Variants in CPS1 observed in about 807,000 individuals in gnomAD.
CPS1 encodes the protein carbamoyl-phosphate synthase [ammonia], mitochondrial.
CPS1 carries 109 observed loss-of-function variants against 174.6 expected under a neutral mutation model. That is an observed-to-expected ratio of 0.62 (90% CI 0.53 to 0.73). The LOEUF (loss-of-function observed/expected upper bound fraction) is 0.73, where lower values mean the gene tolerates loss of function less well. Ranked by LOEUF, CPS1 falls within the 30% of genes least tolerant of loss-of-function variation. The probability of loss-of-function intolerance (pLI) is 0.00; values close to 1 mark genes in which losing one functional copy is unlikely to be tolerated. For missense variants in CPS1, 1,689 were observed against 1,821.9 expected, an observed-to-expected ratio of 0.93 and a Z score of 1.33; for synonymous variants, 637 against 632.0, an observed-to-expected ratio of 1.01 and a Z score of -0.12.
chr2:210,622,341 G>A (rs1012379694), intron 21 of CPS1, among the ~76,000 whole-genome samples: 3 of 151,650 alleles, frequency 2.0e-5, no homozygotes, highest in Non-Finnish European at 4.4e-5. Context: ...TATATGGTAT[G>A]TAAGTGTGCA....
chr2:210,609,527 T>C (rs752809233), intron 19 of CPS1, among the ~76,000 whole-genome samples: 3 of 152,020 alleles, frequency 2.0e-5, no homozygotes, highest in Non-Finnish European at 4.4e-5. Context: ...TCCATCATTA[T>C]TGTTATTATT....
intron 1 of CPS1, among the ~76,000 whole-genome samples, chr2:210,504,724 A>G (rs1014156972): frequency 2.0e-5 from 3 of 152,214 alleles, no homozygotes; most frequent in African/African-American, 7.2e-5. Flanking sequence ...TTCTTTTGGT[A>G]TAAGATTCAA....
intron 1 of CPS1, among the ~76,000 whole-genome samples, chr2:210,485,161 G>A (rs1694681051): frequency 6.6e-6 from 1 of 151,738 alleles, no homozygotes; most frequent in Admixed American, 6.6e-5. Context: ...AACCCGGGAG[G>A]CGTGAGCTTG....
At chr2:210,577,648 C>T in intron 4 of CPS1, 138 bp downstream of exon 4, 1 of 754,468 alleles carries the variant, frequency 1.3e-6, no homozygotes, top group Middle Eastern at 2.3e-4. Flanking sequence ...CCTTCTCTTA[C>T]TACATAAAGG....
intron 1 of CPS1, among the ~76,000 whole-genome samples, chr2:210,505,406 G>A (rs2370962): frequency 0.85 from 128,666 of 151,834 alleles, 55,201 homozygotes; most frequent in Middle Eastern, 0.92. Context: ...GACTCAGTTG[G>A]AAACAGCAGA....
At chr2:210,600,426 G>T (rs925713077) in intron 14 of CPS1, 129 bp from the exon 15 acceptor site, 1 of 826,308 alleles carries the variant, frequency 1.2e-6, no homozygotes, top group African/African-American at 1.7e-5. Context: ...TTCCCTAAGT[G>T]CAATTCTATT....
At chr2:210,510,911 G>T (rs1695451353) in intron 1 of CPS1, among the ~76,000 whole-genome samples, 1 of 152,272 alleles carries the variant, frequency 6.6e-6, no homozygotes, top group African/African-American at 2.4e-5. Flanking sequence ...GGAGAAATAG[G>T]AACAATTTTA....
chr2:210,602,892 C>G (rs972323583), intron 16 of CPS1, among the ~76,000 whole-genome samples: 1 of 151,774 alleles, frequency 6.6e-6, no homozygotes, highest in South Asian at 2.1e-4. Flanking sequence ...CATAAAAACA[C>G]GAGAGATTTG....
chr2:210,667,630 A>T (rs922059243), intron 33 of CPS1, among the ~76,000 whole-genome samples: 1 of 152,168 alleles, frequency 6.6e-6, no homozygotes, highest in Non-Finnish European at 1.5e-5. Context: ...TTTTTAAAAA[A>T]CAGGTTCCTT....
intron 21 of CPS1, among the ~76,000 whole-genome samples, chr2:210,624,859 G>C (rs1024591298): frequency 6.6e-6 from 1 of 151,890 alleles, no homozygotes; most frequent in Admixed American, 6.6e-5. Flanking sequence ...TTATGTTTCT[G>C]TATATTAATT....
rs925250523 is a variant in CPS1 at position 210,675,041 on chromosome 2, G to T, written c.4161+80G>T. On this transcript the variant is annotated intron_variant, in intron 35 of 37. Coordinates refer to ENST00000233072, the MANE Select transcript of CPS1 (RefSeq NM_001875.5). The stretch of plus-strand genomic sequence containing the variant: ...CAAAATATTGCAGAATATTGGAAAA[G>T]AAATAGCCCAAAATATGTCCTTTTG... The T allele has an allele frequency of 7.1e-6, 8 of 1,123,308 alleles. No homozygotes were observed. The African/African-American group carries it at 9.2e-5, about 13-fold the overall frequency. The allele number at this position is 1,123,308 out of a possible 1,614,324, so 69.6% of individuals were successfully genotyped here. A position where few individuals can be genotyped will look rare whatever the true frequency, so the allele number is the denominator to read the frequency against.
chr2:210,602,359 C>G lies in CPS1; in HGVS notation c.1836+29C>G. The stretch of plus-strand genomic sequence containing the variant: ...TGTATTTTTGTAGACAATATTCTTA[C>G]CAACCAAAAAAACTGGCTTGATAGA... On this transcript the variant is annotated intron_variant, in intron 16 of 37. Coordinates refer to ENST00000233072, the MANE Select transcript of CPS1 (RefSeq NM_001875.5). The G allele has an allele frequency of 1.9e-6, 3 of 1,611,754 alleles. No individual in the cohort carries two copies. The South Asian group carries it at 3.3e-5, about 18-fold the overall frequency.
intron 21 of CPS1, among the ~76,000 whole-genome samples, chr2:210,633,958 A>C (rs1699948890): frequency 6.6e-6 from 1 of 152,228 alleles, no homozygotes; most frequent in Non-Finnish European, 1.5e-5. Flanking sequence ...TTAGGATTTT[A>C]GTCATTTAAG....
Position 210,498,421 on chromosome 2 carries a change from T to C in CPS1, c.3+20655T>C, listed in dbSNP as rs967740082. ...TTATTTTATTTTTTTCTGTGGCTAT[T>C]GTAAATGGGATTGCATTCTTGATTT... On this transcript the variant is annotated intron_variant, in intron 1 of 38. Coordinates refer to the CPS1 transcript ENST00000430249. Among the ~76,000 whole-genome samples the C allele has an allele frequency of 7.0e-4, 106 of 152,134 alleles. 5 individuals carry two copies.
In CPS1 at chr2:210,678,037, C is replaced by G. The variant is rs745587710; in HGVS notation, c.*52C>G. ...TAAATCAACCTGAGCCACATGTTAT[C>G]TAAAGGAACTGATTCACAACTTTCT... is the stretch of plus-strand genomic sequence containing the variant. On this transcript the variant is annotated 3_prime_UTR_variant, in exon 38 of 38. Coordinates refer to ENST00000233072, the MANE Select transcript of CPS1 (RefSeq NM_001875.5). 7.6e-7 allele frequency: 1 copy of G among 1,310,322 alleles called. No homozygotes were observed. Among genetic ancestry groups the G allele is most frequent in the Admixed American group, 1.7e-5 (1 of 59,618 alleles). The allele number at this position is 1,310,322 out of a possible 1,614,324, so 81.2% of individuals were successfully genotyped here.
At chr2:210,496,798 G>A (rs947403939) in intron 1 of CPS1, among the ~76,000 whole-genome samples, 2 of 152,150 alleles carry the variant, frequency 1.3e-5, no homozygotes, top group Non-Finnish European at 1.5e-5. Context: ...GCACGGCTCA[G>A]TGCCTCACCT....
chr2:210,595,157 A>G (rs754200974), intron 12 of CPS1, among the ~76,000 whole-genome samples: 2 of 151,902 alleles, frequency 1.3e-5, no homozygotes, highest in Non-Finnish European at 2.9e-5. Context: ...TTAGAAGGAT[A>G]TATGTGTATT....
intron 1 of CPS1, among the ~76,000 whole-genome samples, chr2:210,573,052 T>A (rs1224866987): frequency 6.6e-6 from 1 of 152,012 alleles, no homozygotes; most frequent in Admixed American, 6.6e-5. Context: ...AAACTTAGAA[T>A]AGACAATGTA....
chr2:210,508,827 C>A (rs1695365093), intron 1 of CPS1, among the ~76,000 whole-genome samples: 1 of 152,028 alleles, frequency 6.6e-6, no homozygotes, highest in South Asian at 2.1e-4. Context: ...AAGACTAAAC[C>A]AGGAAGAAGT....
Sources: allele counts gnomAD v4.1 joint callset (sites outside exome capture counted in the v4.1 genomes callset), GRCh38; gene constraint gnomAD v4.1.1; transcripts MANE v1.5; gene names NCBI Gene and HGNC (gene_info 2026-07-23, HGNC 2026-07-21).